Variants in CMTM8 observed in about 807,000 individuals in gnomAD.
CMTM8 encodes CKLF-like MARVEL transmembrane domain-containing protein 8.
A neutral mutation model predicts 18.6 loss-of-function variants in CMTM8; 12 were observed. The observed-to-expected ratio is 0.65, with a 90% CI of 0.41 to 1.05. CMTM8 has a LOEUF of 1.05. CMTM8 is among the 50% of genes least tolerant of loss of function. CMTM8 has a pLI of 0.00. For synonymous variants in CMTM8, 87 were observed against 90.6 expected (o/e 0.96, Z 0.23); for missense variants, 217 against 227.2 (o/e 0.95, Z 0.29).
chr3:32,269,830 T>A (rs1702409333), intron 1 of CMTM8, among the ~76,000 whole-genome samples: 1 of 152,118 alleles, frequency 6.6e-6, no homozygotes, highest in Admixed American at 6.6e-5. Flanking sequence ...CAGGCTGGAG[T>A]GCAGTGGCAT....
intron 1 of CMTM8, among the ~76,000 whole-genome samples, chr3:32,244,226 C>T (rs1701982543): frequency 6.6e-6 from 1 of 152,192 alleles, no homozygotes; most frequent in African/African-American, 2.4e-5. Flanking sequence ...CTCACTGTGT[C>T]ACCCAGGCTG....
intron 1 of CMTM8, among the ~76,000 whole-genome samples, 164 bp from the exon 2 acceptor site, chr3:32,357,209 A>T (rs1696832271): frequency 6.6e-6 from 1 of 152,122 alleles, no homozygotes. Context: ...GCTCCATGGC[A>T]CTCTAGCCTG....
chr3:32,336,632 A>G (rs893221431), intron 1 of CMTM8, among the ~76,000 whole-genome samples: 2 of 152,228 alleles, frequency 1.3e-5, no homozygotes, highest in Non-Finnish European at 2.9e-5. Context: ...TGCTGGAGGT[A>G]AGACATTTAT....
At chr3:32,245,774 C>T (rs990873582) in intron 1 of CMTM8, among the ~76,000 whole-genome samples, 9 of 152,056 alleles carry the variant, frequency 5.9e-5, no homozygotes, top group Non-Finnish European at 1.2e-4. Flanking sequence ...AAGCAATACC[C>T]GACATTTGTA....
chr3:32,358,579 A>G lies in CMTM8; in HGVS notation c.321+1033A>G, dbSNP rs2088156120. ...AAGTTAAGTTGGCACACTTTCAGAC[A>G]ACACTATCATTGTTCAAAACGCACC... On this transcript the variant is annotated intron_variant, in intron 2 of 3. Coordinates refer to ENST00000307526, the MANE Select transcript of CMTM8 (RefSeq NM_178868.5). This position sits in a 1 kb window ranked among gnomAD's most constrained non-coding sequence, Gnocchi z 4.1. Among the ~76,000 whole-genome samples, 1 of 152,230 alleles carries G rather than the reference A, an allele frequency of 6.6e-6. No individual in the cohort carries two copies. Among genetic ancestry groups the G allele is most frequent in the Non-Finnish European group, 1.5e-5 (1 of 68,034 alleles).
chr3:32,290,558 G>A (rs1170483464), intron 1 of CMTM8, among the ~76,000 whole-genome samples: 1 of 152,230 alleles, frequency 6.6e-6, no homozygotes, highest in Non-Finnish European at 1.5e-5. Context: ...CTTTGGTGCT[G>A]GAACATGGAG....
In CMTM8 at chr3:32,342,556, A is replaced by G. The variant is rs549361424; in HGVS notation, c.148-14817A>G. ...TGGACCGTGTGGCATTCAGGTGTCC[A>G]CACAGGGCAGGGAAGACAGAGCTTC... On this transcript the variant is annotated intron_variant, in intron 1 of 3. Transcript: ENST00000307526. Among the ~76,000 whole-genome samples, 6 of 152,320 alleles carry G rather than the reference A, an allele frequency of 3.9e-5. No homozygotes were observed. The East Asian group carries it at 1.2e-3, about 29-fold the overall frequency.
intron 1 of CMTM8, among the ~76,000 whole-genome samples, chr3:32,303,318 A>G (rs1695658951): frequency 6.6e-6 from 1 of 152,222 alleles, no homozygotes; most frequent in African/African-American, 2.4e-5. Context: ...TCGTATCTGC[A>G]TAAATCTTCA....
intron 1 of CMTM8, among the ~76,000 whole-genome samples, chr3:32,319,074 A>ATATATATATATATTTTTTTT: frequency 3.8e-3 from 121 of 31,524 alleles, no homozygotes; most frequent in African/African-American, 9.0e-3. Flanking sequence ...ATATATATAT[A>ATATATATATATATTTTTTTT]TTTTTTTTTT....
intron 1 of CMTM8, among the ~76,000 whole-genome samples, chr3:32,336,210 C>T (rs889246792): frequency 6.6e-6 from 1 of 152,198 alleles, no homozygotes; most frequent in African/African-American, 2.4e-5. Flanking sequence ...TGTGATGTCC[C>T]TCCCTCCCCC....
At chr3:32,367,842 C>T (rs776134331) in intron 2 of CMTM8, 30 bp from the exon 3 acceptor site, 2 of 1,495,792 alleles carry the variant, frequency 1.3e-6, no homozygotes, top group South Asian at 1.1e-5. Context: ...CTCCCCTCTC[C>T]CTAAACACTC....
chr3:32,275,570 G>A (rs1015160848), intron 1 of CMTM8, among the ~76,000 whole-genome samples: 4 of 151,534 alleles, frequency 2.6e-5, no homozygotes, highest in African/African-American at 9.7e-5. Flanking sequence ...CATGGGGGCC[G>A]CTCTGTCCCT....
intron 3 of CMTM8, 53 bp downstream of exon 3, chr3:32,368,041 C>T: frequency 2.3e-6 from 3 of 1,289,152 alleles, no homozygotes; most frequent in Non-Finnish European, 3.4e-6. Context: ...CCAAGGCTTG[C>T]TTGGGATTGG....
At chr3:32,362,222 T>TC (rs1696950193) in intron 2 of CMTM8, among the ~76,000 whole-genome samples, 1 of 151,840 alleles carries the variant, frequency 6.6e-6, no homozygotes, top group African/African-American at 2.4e-5. Context: ...TGTATTTTTT[T>TC]AGTAGAGACG....
In CMTM8 at chr3:32,319,702, G is replaced by A. The variant is rs958429699; in HGVS notation, c.148-37671G>A. ...TATTATCACTGGCATCAGCAGTTCC[G>A]CTTTTCCATCTTCCACTCACTTTAA... On this transcript the variant is annotated intron_variant, in intron 1 of 3. Transcript: ENST00000307526. 1.9e-4 allele frequency among the ~76,000 whole-genome samples: 29 copies of A among 152,140 alleles called. 1 individual carries two copies. The highest frequency in any genetic ancestry group is 5.2e-4 in the Admixed American group (8 of 15,282).
intron 2 of CMTM8, among the ~76,000 whole-genome samples, chr3:32,362,172 C>G (rs775042372): frequency 6.6e-6 from 1 of 151,430 alleles, no homozygotes; most frequent in Non-Finnish European, 1.5e-5. Flanking sequence ...TCCTGAGTAT[C>G]TGGGATTACA....
intron 1 of CMTM8, among the ~76,000 whole-genome samples, chr3:32,330,266 C>T (rs988274401): frequency 6.8e-6 from 1 of 147,916 alleles, no homozygotes; most frequent in Admixed American, 6.8e-5. Context: ...CACAAAGGAC[C>T]CCAGAGAGCC....
chr3:32,274,627 T>A (rs1702489619), intron 1 of CMTM8, among the ~76,000 whole-genome samples: 1 of 152,182 alleles, frequency 6.6e-6, no homozygotes, highest in Non-Finnish European at 1.5e-5. Context: ...ACAAAAGTAT[T>A]CTCCTGCATA....
At position 32,358,492 on chromosome 3, in the gene CMTM8, T is replaced by C. The variant is rs1327975661; in HGVS notation, c.321+946T>C. 6.6e-6 allele frequency among the ~76,000 whole-genome samples: 1 copy of C among 152,230 alleles called. No homozygotes were observed. Among genetic ancestry groups the C allele is most frequent in the Non-Finnish European group, 1.5e-5 (1 of 68,036 alleles). On this transcript the variant is annotated intron_variant, in intron 2 of 3. Coordinates refer to ENST00000307526, the MANE Select transcript of CMTM8 (RefSeq NM_178868.5). The surrounding 1 kb of genome is among the most constrained non-coding windows in gnomAD (Gnocchi z 4.1). ...CAACCAATATGTGAGAAAAAATATT[T>C]AGTTCCAAATAACTGACTTATGAAC...
Sources: gnomAD v4.1 joint callset for allele counts (sites outside exome capture counted in the v4.1 genomes callset) on GRCh38, gnomAD v4.1.1 for gene constraint, Gnocchi (gnomAD v3.1) non-coding constraint, MANE v1.5 for transcripts, NCBI Gene and HGNC (gene_info 2026-07-23, HGNC 2026-07-21) for gene names.